The following EGFL7 variants were observed in gnomAD, a reference collection of about 807,000 sequenced individuals.
EGFL7 encodes EGF like domain multiple 7.
EGFL7 carries 48 observed loss-of-function variants against 37.1 expected under a neutral mutation model. The ratio of observed to expected loss-of-function variants is 1.29; its 90% CI spans 1.03 to 1.65. The LOEUF (loss-of-function observed/expected upper bound fraction) is 1.65, where lower values mean the gene tolerates loss of function less well. EGFL7 is among the 40% of genes most tolerant of loss of function. EGFL7 has a pLI of 0.00. For missense variants in EGFL7, 384 were observed against 378.9 expected, an observed-to-expected ratio of 1.01 and a Z score of -0.11; for synonymous variants, 180 against 156.8, an observed-to-expected ratio of 1.15 and a Z score of -1.10.
In EGFL7 at chr9:136,672,639, G is replaced by A. The variant is rs1228674569; in HGVS notation, c.*353G>A. On this transcript the variant is annotated 3_prime_UTR_variant, in exon 11 of 11. Coordinates refer to ENST00000308874, the MANE Select transcript of EGFL7 (RefSeq NM_016215.5). ...GAGGCTGGGTGGGGCCTCAGTGGGG[G>A]CTGCTGCCTGACCCCCAGCACAATA... 9.0e-6 allele frequency: 4 copies of A among 443,414 alleles called. No homozygotes were observed. Among genetic ancestry groups the A allele is most frequent in the Non-Finnish European group, 1.6e-5 (4 of 244,128 alleles). The allele number at this position is 443,414 out of a possible 1,614,324, so 27.5% of individuals were successfully genotyped here. A position where few individuals can be genotyped will look rare whatever the true frequency, so the allele number is the denominator to read the frequency against.
upstream of EGFL7, among the ~76,000 whole-genome samples, chr9:136,661,361 G>A (rs1047840154): frequency 6.6e-6 from 1 of 152,192 alleles, no homozygotes; most frequent in African/African-American, 2.4e-5. Flanking sequence ...CCAGGGGGCC[G>A]AGGGAGGCAC....
chr9:136,668,481 G>T (rs896435985), intron 4 of EGFL7, 76 bp from the exon 5 acceptor site: 1 of 1,550,454 alleles, frequency 6.4e-7, no homozygotes, highest in Non-Finnish European at 8.8e-7. Flanking sequence ...TGAGGGTCCT[G>T]CCCCGGCCAC....
rs1330619910 is a variant in EGFL7 at position 136,662,941 on chromosome 9, C to T, written c.-520C>T. ...GGAGCCTCCCTGCACCAAGCTGGCC[C>T]TGCACGGCTGCAAGGGAGGCTCCTG... On this transcript the variant is annotated 5_prime_UTR_variant, in exon 1 of 11. Coordinates refer to ENST00000308874, the MANE Select transcript of EGFL7 (RefSeq NM_016215.5). The T allele has an allele frequency of 6.6e-6, 1 of 152,308 alleles. No homozygotes were observed. Among genetic ancestry groups the T allele is most frequent in the African/African-American group, 2.4e-5 (1 of 41,470 alleles). The allele number at this position is 152,308 out of a possible 1,614,324, so 9.4% of individuals were successfully genotyped here. A position where few individuals can be genotyped will look rare whatever the true frequency, so the allele number is the denominator to read the frequency against.
At position 136,672,044 on chromosome 9, in the gene EGFL7, C is replaced by T. The variant is rs1253732498; in HGVS notation, c.755C>T (p.Ser252Phe). The change falls in exon 10 of 11, where the codon TCC (serine) becomes TTC (phenylalanine). Residue 252 changes from serine to phenylalanine, a missense_variant. Transcript: ENST00000308874. ...HSFQQLGRIDSLSEQISFLEE... is the reference protein window; with the variant it reads ...HSFQQLGRIDFLSEQISFLEE... ...TTCCAGCAGCTCGGCCGCATCGACT[C>T]CCTGAGCGAGCAGATTTCCTTCCTG... The T allele has an allele frequency of 1.9e-6, 3 of 1,545,766 alleles. No individual in the cohort carries two copies. Among genetic ancestry groups the T allele is most frequent in the East Asian group, 4.9e-5 (2 of 40,972 alleles).
intron 8 of EGFL7, 121 bp from the exon 9 acceptor site, chr9:136,670,829 G>C: frequency 1.1e-6 from 1 of 943,944 alleles, no homozygotes; most frequent in Non-Finnish European, 1.6e-6. Flanking sequence ...GCAGGCAGCG[G>C]GGGCGGCAGA....
Position 136,669,729 on chromosome 9 carries a change from CTAT to C in EGFL7, c.313+9_313+11del. On this transcript the variant is annotated intron_variant, in intron 6 of 10. Coordinates refer to ENST00000308874, the MANE Select transcript of EGFL7 (RefSeq NM_016215.5). ...CTGGGGCCTGTGGAGCAGGTGAGGGCTATGTCCCTCGGCGCCCGGTGTTAGGAG... is the reference window on the plus strand; with the variant it reads ...CTGGGGCCTGTGGAGCAGGTGAGGGCGTCCCTCGGCGCCCGGTGTTAGGAG... 1 of 1,569,414 alleles carries C rather than the reference CTAT, an allele frequency of 6.4e-7. No homozygotes were observed. Among genetic ancestry groups the C allele is most frequent in the South Asian group, 1.2e-5 (1 of 86,598 alleles).
upstream of EGFL7, among the ~76,000 whole-genome samples, chr9:136,661,775 C>T (rs1845161318): frequency 6.6e-6 from 1 of 152,176 alleles, no homozygotes; most frequent in African/African-American, 2.4e-5. Flanking sequence ...CCCCAGCTGC[C>T]CCAGCCTCCC....
chr9:136,663,994 A>G (rs1845302791), intron 2 of EGFL7, among the ~76,000 whole-genome samples: 1 of 152,214 alleles, frequency 6.6e-6, no homozygotes, highest in African/African-American at 2.4e-5. Flanking sequence ...AAGTGACCGC[A>G]GATCCAGAGA....
At chr9:136,668,746 C>T (rs542325675) in intron 5 of EGFL7, 73 bp downstream of exon 5, 181 of 1,296,730 alleles carry the variant, frequency 1.4e-4, no homozygotes, top group African/African-American at 1.3e-3. Context: ...ATGTCAGGGG[C>T]GAGGCGGGGG....
In EGFL7 at chr9:136,669,961, G is replaced by GGCCGCT. The variant is rs771494756; in HGVS notation, c.371_376dup (p.Arg124_Cys125dup). The GGCCGCT allele has an allele frequency of 4.4e-6, 7 of 1,605,004 alleles. No individual in the cohort carries two copies. Among genetic ancestry groups the GGCCGCT allele is most frequent in the African/African-American group, 4.0e-5 (3 of 74,798 alleles). ...GAACGGAGGGAGCTGTGTCCAGCCT[G>GGCCGCT]GCCGCTGCCGCTGCCCTGCAGGATG... On this transcript the variant is annotated inframe_insertion, in exon 7 of 11. Transcript: ENST00000308874.
In EGFL7 at chr9:136,668,222, G is replaced by A; in HGVS notation, c.-42-19G>A. On this transcript the variant is annotated intron_variant, in intron 3 of 10. Transcript: ENST00000308874. ...GGGGCATCTGCGGGGAGACTTAGGGGTCATGCTTTGTGCCCCAGGCCACCC... is the reference window on the plus strand; with the variant it reads ...GGGGCATCTGCGGGGAGACTTAGGGATCATGCTTTGTGCCCCAGGCCACCC... 2.1e-6 allele frequency: 3 copies of A among 1,460,672 alleles called. No homozygotes were observed. Among genetic ancestry groups the A allele is most frequent in the East Asian group, 4.8e-5 (2 of 41,342 alleles). 90.5% of individuals were successfully genotyped at this position (1,460,672 alleles called of 1,614,324 possible). A position where few individuals can be genotyped will look rare whatever the true frequency, so the allele number is the denominator to read the frequency against.
Position 136,672,517 on chromosome 9 carries a change from C to T in EGFL7, c.*231C>T, listed in dbSNP as rs926668688. On this transcript the variant is annotated 3_prime_UTR_variant, in exon 11 of 11. Transcript: ENST00000308874. ...CCCCTGGCTACCCCCACCCTGGCTA[C>T]CCCAACGGCATCCCAAGGCCAGGTG... The T allele has an allele frequency of 1.6e-4, 97 of 610,318 alleles. No individual in the cohort carries two copies. The highest frequency in any genetic ancestry group is 9.9e-4 in the Admixed American group (34 of 34,180). 37.8% of individuals were successfully genotyped at this position (610,318 alleles called of 1,614,324 possible).
chr9:136,662,740 C>T (rs1845223474), upstream of EGFL7, among the ~76,000 whole-genome samples: 5 of 152,132 alleles, frequency 3.3e-5, no homozygotes, highest in South Asian at 1.0e-3. Flanking sequence ...CACCCCTGGG[C>T]AGTTTGTCCA....
At chr9:136,659,303 T>A (rs1284690772), upstream of EGFL7, 1 of 152,210 alleles carries the variant, frequency 6.6e-6, no homozygotes, top group Non-Finnish European at 1.5e-5. Context: ...GATGGGAAGG[T>A]TCCACCACAT....
At chr9:136,671,888 G>A in intron 9 of EGFL7, 38 bp from the exon 10 acceptor site, 1 of 1,457,614 alleles carries the variant, frequency 6.9e-7, no homozygotes, top group Non-Finnish European at 9.0e-7. Context: ...AGAGAGGGCG[G>A]GGGCCGGCCC....
At chr9:136,670,083 G>A in intron 7 of EGFL7, 74 bp downstream of exon 7, 2 of 1,603,362 alleles carry the variant, frequency 1.2e-6, no homozygotes, top group Non-Finnish European at 1.7e-6. Flanking sequence ...GGTTACTGCT[G>A]GCCCATGAGT....
upstream of EGFL7, among the ~76,000 whole-genome samples, chr9:136,662,545 C>T (rs1845212849): frequency 6.6e-6 from 1 of 152,184 alleles, no homozygotes; most frequent in African/African-American, 2.4e-5. Flanking sequence ...GCATCCTTGG[C>T]CCAAAGATGC....
At chr9:136,661,715 C>T (rs118120544), upstream of EGFL7, among the ~76,000 whole-genome samples, 438 of 152,306 alleles carry the variant, frequency 2.9e-3, 6 homozygotes, top group East Asian at 0.037. Flanking sequence ...GGAGGCGCAT[C>T]GCGTGTGGGT....
chr9:136,670,492 A>T (rs908658134), intron 8 of EGFL7, 162 bp downstream of exon 8: 1 of 972,120 alleles, frequency 1.0e-6, no homozygotes, highest in Admixed American at 2.1e-5. Context: ...TGGGTTCCCG[A>T]GAACTGGGGG....
Sources: gnomAD v4.1 joint callset for allele counts (sites outside exome capture counted in the v4.1 genomes callset) on GRCh38, gnomAD v4.1.1 for gene constraint, MANE v1.5 for transcripts, NCBI Gene and HGNC (gene_info 2026-07-23, HGNC 2026-07-21) for gene names.